The following SYT14 variants were observed in gnomAD, a reference collection of about 807,000 sequenced individuals.
The protein encoded by SYT14 is synaptotagmin-14.
SYT14 carries 32 observed loss-of-function variants against 74.2 expected under a neutral mutation model. The ratio of observed to expected loss-of-function variants is 0.43; its 90% confidence interval spans 0.33 to 0.58. SYT14 has a LOEUF of 0.58. Ranked by LOEUF, SYT14 falls within the 20% of genes least tolerant of loss-of-function variation. The probability of loss-of-function intolerance (pLI) is 0.05; values close to 1 mark genes in which losing one functional copy is unlikely to be tolerated. For synonymous variants in SYT14, 298 were observed against 337.7 expected (o/e 0.88, Z 1.29); for missense variants, 791 against 981.8 (o/e 0.81, Z 2.60).
At chr1:210,073,754 T>C (rs2081437901) in intron 5 of SYT14, among the ~76,000 whole-genome samples, 1 of 152,020 alleles carries the variant, frequency 6.6e-6, no homozygotes, top group South Asian at 2.1e-4. Context: ...AAAACAAATA[T>C]AAAAACAAAT....
At chr1:209,974,293 A>G (rs976799995) in intron 2 of SYT14, among the ~76,000 whole-genome samples, 9 of 152,168 alleles carry the variant, frequency 5.9e-5, no homozygotes, top group South Asian at 2.1e-4. Context: ...GCCCATGCCT[A>G]TGTCCTGAAT....
chr1:210,101,975 A>G (rs2082075795), intron 7 of SYT14, among the ~76,000 whole-genome samples: 1 of 152,224 alleles, frequency 6.6e-6, no homozygotes. Flanking sequence ...GCAATTTTTT[A>G]ATGGACCTAC....
At chr1:210,130,717 T>C (rs1035582619) in intron 7 of SYT14, among the ~76,000 whole-genome samples, 1 of 152,226 alleles carries the variant, frequency 6.6e-6, no homozygotes, top group Non-Finnish European at 1.5e-5. Flanking sequence ...ATAGAAACCA[T>C]TGCTATTTCT....
At chr1:209,938,692 CG>C (rs531350540) in intron 1 of SYT14, among the ~76,000 whole-genome samples, 220 of 152,206 alleles carry the variant, frequency 1.4e-3, no homozygotes, top group Admixed American at 4.1e-3. Flanking sequence ...TCCCCGGCCG[CG>C]GCAAACCATC....
At chr1:210,080,006 G>A (rs2081588973) in intron 5 of SYT14, among the ~76,000 whole-genome samples, 1 of 152,120 alleles carries the variant, frequency 6.6e-6, no homozygotes, top group Non-Finnish European at 1.5e-5. Context: ...TGTCCTCATA[G>A]TATTTTAAAG....
chr1:210,162,136 T>G, exon 10 of SYT14: 1 of 439,308 alleles, frequency 2.3e-6, no homozygotes, highest in Non-Finnish European at 4.6e-6. Flanking sequence ...GAACATCATG[T>G]TAAAAACAGT....
intron 2 of SYT14, among the ~76,000 whole-genome samples, chr1:210,004,737 C>T (rs530367344): frequency 6.6e-6 from 1 of 152,116 alleles, no homozygotes; most frequent in Admixed American, 6.5e-5. Context: ...GATGCTTGTT[C>T]AGAGGTTACT....
chr1:209,970,196 A>T (rs1226940594), intron 2 of SYT14, among the ~76,000 whole-genome samples: 1 of 152,152 alleles, frequency 6.6e-6, no homozygotes. Flanking sequence ...TTATAGCTTC[A>T]GAATTTACAT....
chr1:210,002,649 G>C (rs1010696561), intron 2 of SYT14, among the ~76,000 whole-genome samples: 1 of 152,006 alleles, frequency 6.6e-6, no homozygotes, highest in Non-Finnish European at 1.5e-5. Context: ...TTCTGGAATA[G>C]TGATACTGCA....
intron 2 of SYT14, among the ~76,000 whole-genome samples, chr1:209,993,649 G>T (rs1558116899): frequency 6.6e-6 from 1 of 152,136 alleles, no homozygotes; most frequent in Non-Finnish European, 1.5e-5. Flanking sequence ...GCCTCTGCCT[G>T]GGGGGCCTGG....
intron 5 of SYT14, among the ~76,000 whole-genome samples, chr1:210,084,507 C>T (rs919030009): frequency 7.2e-5 from 11 of 152,152 alleles, no homozygotes; most frequent in African/African-American, 2.7e-4. Flanking sequence ...CTCTCCTGGT[C>T]ATAATAGCTT....
At chr1:210,027,242 G>A (rs2080432399) in intron 5 of SYT14, among the ~76,000 whole-genome samples, 1 of 151,932 alleles carries the variant, frequency 6.6e-6, no homozygotes, top group African/African-American at 2.4e-5. Context: ...TGCCTATAAT[G>A]TCTCTACAAA....
intron 7 of SYT14, among the ~76,000 whole-genome samples, chr1:210,136,463 A>G (rs966080764): frequency 3.3e-5 from 5 of 152,226 alleles, no homozygotes; most frequent in Non-Finnish European, 7.3e-5. Context: ...TAGCCAGATG[A>G]TGGCCAAAGT....
chr1:210,035,249 TTA>T (rs2080634223), intron 5 of SYT14, among the ~76,000 whole-genome samples: 1 of 151,986 alleles, frequency 6.6e-6, no homozygotes, highest in Non-Finnish European at 1.5e-5. Context: ...TGCCCACTTT[TTA>T]ATAGGGTTAT....
At chr1:210,149,180 A>ATTTTTTT (rs34134939) in intron 7 of SYT14, among the ~76,000 whole-genome samples, 2 of 108,494 alleles carry the variant, frequency 1.8e-5, no homozygotes, top group East Asian at 2.7e-4. Flanking sequence ...TATAGCAGGA[A>ATTTTTTT]TTTTTTTTTT....
At chr1:210,028,137 A>G (rs2080453840) in intron 5 of SYT14, among the ~76,000 whole-genome samples, 1 of 152,142 alleles carries the variant, frequency 6.6e-6, no homozygotes, top group East Asian at 1.9e-4. Context: ...TGGGTAGATC[A>G]TATAAGTGGA....
intron 9 of SYT14, 33 bp downstream of exon 8, chr1:210,159,510 CT>C (rs1468144889): frequency 3.5e-5 from 54 of 1,547,682 alleles, no homozygotes; most frequent in Non-Finnish European, 4.5e-5. Flanking sequence ...TGGATGTTGT[CT>C]TTTCATGCAA....
intron 9 of SYT14, among the ~76,000 whole-genome samples, chr1:210,160,484 A>G (rs1040748009): frequency 6.6e-6 from 1 of 152,106 alleles, no homozygotes; most frequent in African/African-American, 2.4e-5. Context: ...AATTCTAACT[A>G]TTACATAGAA....
chr1:210,013,496 A>G, intron 2 of SYT14, 137 bp from the exon 3 acceptor site: 2 of 844,670 alleles, frequency 2.4e-6, no homozygotes, highest in Admixed American at 2.7e-5. Flanking sequence ...CTTATAAACG[A>G]AACTGTTTTT....
Sources: gnomAD v4.1 joint callset for allele counts (sites outside exome capture counted in the v4.1 genomes callset) on GRCh38, gnomAD v4.1.1 for gene constraint, MANE v1.5 for transcripts, NCBI Gene and HGNC (gene_info 2026-07-23, HGNC 2026-07-21) for gene names.